The following PCDHGA11 variants were observed in gnomAD, a reference collection of about 807,000 sequenced individuals.
PCDHGA11 encodes protocadherin gamma-A11.
In PCDHGA11, 39 loss-of-function variants were observed where a neutral mutation model predicts 60.4. The observed-to-expected ratio is 0.65, with a 90% confidence interval of 0.50 to 0.84. The LOEUF is 0.84. Among genes scored for constraint, PCDHGA11 ranks in the 40% least tolerant of loss-of-function variants. PCDHGA11 has a pLI of 0.00. For missense variants in PCDHGA11, 1,165 were observed against 1,197.7 expected (o/e 0.97, Z 0.40); for synonymous variants, 533 against 510.3 (o/e 1.04, Z -0.60).
chr5:141,482,470 C>T (rs768383368), intron 1 of PCDHGA11, among the ~76,000 whole-genome samples: 8 of 137,876 alleles, frequency 5.8e-5, no homozygotes, highest in Non-Finnish European at 1.2e-4. Flanking sequence ...ATGTGCCAGA[C>T]ACTGTAAACA....
Position 141,487,125 on chromosome 5 carries a change from G to A in PCDHGA11, c.2434-7682G>A. 6.2e-7 allele frequency: 1 copy of A among 1,614,112 alleles called. No homozygotes were observed. The highest frequency in any genetic ancestry group is 8.5e-7 in the Non-Finnish European group (1 of 1,179,994). The stretch of plus-strand genomic sequence containing the variant: ...CTGGTCATTGTGGTAAAGGATAGTG[G>A]TAGTCCACCACTCTCTACCTCTGTT... On this transcript the variant is annotated intron_variant, in intron 1 of 3. Coordinates refer to ENST00000398587, the MANE Select transcript of PCDHGA11 (RefSeq NM_018914.3). This position sits in a 1 kb window ranked among gnomAD's most constrained non-coding sequence, Gnocchi z 5.0.
In PCDHGA11 at chr5:141,423,618, C is replaced by T. The variant is rs2096760725; in HGVS notation, c.2391C>T (p.Asp797=). ...GCGAGCCACTCTTGATAGCTGAAGA[C>T]TCAGCTATCATTTTAGGCAAATGTG... ...EKSEPLLIAE[D]SAIILGKCDP... Residue 797 remains aspartate, a synonymous_variant, in exon 1 of 4, where the codon GAC becomes GAT. Transcript: ENST00000398587. 2 of 1,608,284 alleles carry T rather than the reference C, an allele frequency of 1.2e-6. No homozygotes were observed. Among genetic ancestry groups the T allele is most frequent in the East Asian group, 2.2e-5 (1 of 44,866 alleles).
At position 141,460,912 on chromosome 5, in the gene PCDHGA11, G is replaced by GTGTATATA. The variant is rs145509489; in HGVS notation, c.2434-33894_2434-33893insGTATATAT. ...TCGTGGCTGAGTAATATTCCATGGTGTATATATATATATGTGTGTGTGTAT... is the reference window on the plus strand; with the variant it reads ...TCGTGGCTGAGTAATATTCCATGGTGTGTATATATATATATATATATGTGTGTGTGTAT... On this transcript the variant is annotated intron_variant, in intron 1 of 3. Transcript: ENST00000398587. Among the ~76,000 whole-genome samples the GTGTATATA allele has an allele frequency of 5.0e-3, 740 of 149,316 alleles. 4 individuals are homozygous for GTGTATATA. The highest frequency in any genetic ancestry group is 0.015 in the African/African-American group (617 of 40,618).
At chr5:141,460,983 G>GTGTGTA (rs1554142949) in intron 1 of PCDHGA11, among the ~76,000 whole-genome samples, 82 of 137,842 alleles carry the variant, frequency 5.9e-4, no homozygotes, top group African/African-American at 1.9e-3. Flanking sequence ...GTGTGTGTGT[G>GTGTGTA]TATATATATA....
rs774079222 is a variant in PCDHGA11, at chr5:141,491,314, C to G, written c.2434-3493C>G. On this transcript the variant is annotated intron_variant, in intron 1 of 3. Transcript: ENST00000398587. The surrounding 1 kb of genome is among the most constrained non-coding windows in gnomAD (Gnocchi z 6.9). ...CCCTCCTGAGCGTTCAGACCTTACC[C>G]TTTACCTCATTGTGGCTCTAGCGAC... is the stretch of plus-strand genomic sequence containing the variant. 6 of 1,614,064 alleles carry G rather than the reference C, an allele frequency of 3.7e-6. No individual in the cohort carries two copies. In the South Asian group the frequency reaches 5.5e-5, roughly 15 times the overall value.
In PCDHGA11 at chr5:141,487,608, G is replaced by T; in HGVS notation, c.2434-7199G>T. 1 of 1,614,182 alleles carries T rather than the reference G, an allele frequency of 6.2e-7. No individual in the cohort carries two copies. The highest frequency in any genetic ancestry group is 8.5e-7 in the Non-Finnish European group (1 of 1,180,042). On this transcript the variant is annotated intron_variant, in intron 1 of 3. Coordinates refer to ENST00000398587, the MANE Select transcript of PCDHGA11 (RefSeq NM_018914.3). The surrounding 1 kb of genome is among the most constrained non-coding windows in gnomAD (Gnocchi z 5.0). ...TGCCCACCCTCTGATCTTCTCTATG[G>T]GCTAGAGGTGAGACCTTTGCAGGCT...
chr5:141,453,205 G>A lies in PCDHGA11; in HGVS notation c.2433+29545G>A, dbSNP rs570291941. On this transcript the variant is annotated intron_variant, in intron 1 of 3. Coordinates refer to ENST00000398587, the MANE Select transcript of PCDHGA11 (RefSeq NM_018914.3). ...CACAGCTCACTGCAGCCTCAACCTC[G>A]TGCACTTAAGCGATCCTCCCACCTC... Among the ~76,000 whole-genome samples the A allele has an allele frequency of 1.1e-4, 17 of 151,990 alleles. No individual in the cohort carries two copies. In the East Asian group the frequency reaches 2.5e-3, roughly 22 times the overall value.
At chr5:141,483,937 C>T (rs964918788) in intron 1 of PCDHGA11, among the ~76,000 whole-genome samples, 1 of 130,444 alleles carries the variant, frequency 7.7e-6, no homozygotes, top group African/African-American at 2.9e-5. Flanking sequence ...TAGGTACCTA[C>T]GGTGTGAATT....
rs73280340 is a variant in PCDHGA11, at chr5:141,473,067, G to A, written c.2434-21740G>A. On this transcript the variant is annotated intron_variant, in intron 1 of 3. Transcript: ENST00000398587. ...GAAAGAAGTGATACAACAAGTTACA[G>A]CATCTTTGTTTATTATCCACTGTGA... Among the ~76,000 whole-genome samples the A allele has an allele frequency of 5.6e-3, 854 of 152,054 alleles. 5 individuals are homozygous for A. The highest frequency in any genetic ancestry group is 0.019 in the African/African-American group (798 of 41,456).
At chr5:141,430,642 A>C in intron 1 of PCDHGA11, 2 of 918,498 alleles carry the variant, frequency 2.2e-6, no homozygotes, top group South Asian at 5.1e-5. Flanking sequence ...CCCTGGGAGT[A>C]TGTGGAAACA....
chr5:141,454,675 G>A (rs973403044), intron 1 of PCDHGA11, among the ~76,000 whole-genome samples: 8 of 151,764 alleles, frequency 5.3e-5, no homozygotes, highest in Non-Finnish European at 1.0e-4. Context: ...CAAAACACTG[G>A]GATTACAGGC....
chr5:141,489,775 T>C lies in PCDHGA11; in HGVS notation c.2434-5032T>C, dbSNP rs748163008. The C allele has an allele frequency of 6.2e-7, 1 of 1,614,110 alleles. No homozygotes were observed. The highest frequency in any genetic ancestry group is 8.5e-7 in the Non-Finnish European group (1 of 1,179,986). Reference sequence around the variant, plus strand: ...CACTCTAAGCCCCAACAGCCACTTCTCTCTGAATGTGAAGACCCTAAAAGA... The same window carrying C: ...CACTCTAAGCCCCAACAGCCACTTCCCTCTGAATGTGAAGACCCTAAAAGA... On this transcript the variant is annotated intron_variant, in intron 1 of 3. Coordinates refer to ENST00000398587, the MANE Select transcript of PCDHGA11 (RefSeq NM_018914.3). This position sits in a 1 kb window ranked among gnomAD's most constrained non-coding sequence, Gnocchi z 4.5.
intron 1 of PCDHGA11, chr5:141,426,221 A>G (rs1279749881): frequency 6.3e-6 from 1 of 158,300 alleles, no homozygotes; most frequent in Non-Finnish European, 1.4e-5. Context: ...GGAAGTAAAT[A>G]TTTTAAAAGC....
At chr5:141,492,132 C>A (rs1289132641) in intron 1 of PCDHGA11, among the ~76,000 whole-genome samples, 3 of 152,220 alleles carry the variant, frequency 2.0e-5, no homozygotes, top group African/African-American at 4.8e-5. Context: ...CAGCTCCCAG[C>A]ATCTGTGACT....
chr5:141,468,648 C>G (rs60206946), intron 1 of PCDHGA11: 27,626 of 151,800 alleles, frequency 0.18, 2,687 homozygotes, highest in Admixed American at 0.28. Flanking sequence ...GGGCGGATCA[C>G]AAGGTCAGGA....
intron 1 of PCDHGA11, among the ~76,000 whole-genome samples, chr5:141,472,145 A>G (rs1376068421): frequency 6.6e-6 from 1 of 152,244 alleles, no homozygotes; most frequent in Non-Finnish European, 1.5e-5. Flanking sequence ...TAAAAGTTTC[A>G]TGGTTACATA....
At chr5:141,503,981 C>T (rs774655880) in intron 2 of PCDHGA11, among the ~76,000 whole-genome samples, 4 of 152,300 alleles carry the variant, frequency 2.6e-5, no homozygotes, top group East Asian at 1.9e-4. Flanking sequence ...CCAAACCCTT[C>T]TTCTTACCTT....
Position 141,423,606 on chromosome 5 carries a change from GAT to G in PCDHGA11, c.2381_2382del (p.Ile794SerfsTer2). 6.2e-7 allele frequency: 1 copy of G among 1,612,164 alleles called. No individual in the cohort carries two copies. The highest frequency in any genetic ancestry group is 1.3e-5 in the African/African-American group (1 of 75,026). ...ESCEKSEPLLIAEDSAIILGK... is the reference protein window; with the variant it reads ...ESCEKSEPLLXAEDSAIILGK... ...GCTGTGAGAAAAGCGAGCCACTCTT[GAT>G]AGCTGAAGACTCAGCTATCATTTTA... On this transcript the variant is annotated frameshift_variant, in exon 1 of 4. Transcript: ENST00000398587. LOFTEE classifies it high-confidence loss of function.
chr5:141,501,345 A>G (rs2099808580), intron 2 of PCDHGA11, among the ~76,000 whole-genome samples: 2 of 150,582 alleles, frequency 1.3e-5, no homozygotes, highest in East Asian at 1.9e-4. Context: ...CCCAAACTCA[A>G]TAGGGCAAGA....
Sources: gnomAD v4.1 joint callset for allele counts (sites outside exome capture counted in the v4.1 genomes callset) on GRCh38, gnomAD v4.1.1 for gene constraint, Gnocchi (gnomAD v3.1) non-coding constraint, MANE v1.5 for transcripts, NCBI Gene and HGNC (gene_info 2026-07-23, HGNC 2026-07-21) for gene names.